RPS6KA6: variants seen among roughly 807,000 people sequenced by gnomAD.
RPS6KA6 encodes ribosomal protein S6 kinase A6.
RPS6KA6 carries 27 observed loss-of-function variants against 65.4 expected under a neutral mutation model. The observed-to-expected ratio is 0.41, with a 90% confidence interval of 0.30 to 0.57. The LOEUF (loss-of-function observed/expected upper bound fraction) is 0.57, where lower values mean the gene tolerates loss of function less well. Among genes scored for constraint, RPS6KA6 ranks in the 20% least tolerant of loss-of-function variants. The pLI is 0.24. For synonymous variants in RPS6KA6, 190 were observed against 184.2 expected (o/e 1.03, Z -0.26); for missense variants, 486 against 555.6 (o/e 0.87, Z 1.26).
intron 20 of RPS6KA6, among the ~76,000 whole-genome samples, chrX:84,086,389 AT>A (rs1381082017): frequency 9.0e-6 from 1 of 111,670 alleles, no homozygotes; most frequent in African/African-American, 3.3e-5. Context: ...GAACTTCTTG[AT>A]TTCTGCCTTA....
intron 9 of RPS6KA6, among the ~76,000 whole-genome samples, chrX:84,117,974 T>C (rs186600306): frequency 3.6e-5 from 4 of 110,131 alleles, no homozygotes; most frequent in Non-Finnish European, 5.7e-5. Context: ...CACATGCCAA[T>C]AGCTTTAAAA....
chrX:84,066,985 G>A (rs2033418855), intron 20 of RPS6KA6, among the ~76,000 whole-genome samples: 2 of 111,708 alleles, frequency 1.8e-5, no homozygotes, highest in African/African-American at 6.5e-5. Context: ...GGTGAACAGG[G>A]GCTGGAGTGG....
chrX:84,064,293 G>A lies in RPS6KA6; in HGVS notation c.2222C>T (p.Thr741Ile). 8.3e-7 allele frequency: 1 copy of A among 1,208,515 alleles called. No homozygotes were observed. Among genetic ancestry groups the A allele is most frequent in the Non-Finnish European group, 1.1e-6 (1 of 893,930 alleles). The change falls in exon 22 of 22, where the codon ACA (threonine) becomes ATA (isoleucine). Residue 741 changes from threonine to isoleucine, a missense_variant. Thr to Ile is a moderately conservative substitution (Grantham distance 89). Around this residue, in one of 3 missense-constraint regions of RPS6KA6, gnomAD observed 345 missense variants for 375.0 expected, o/e 0.92. Coordinates refer to ENST00000262752, the MANE Select transcript of RPS6KA6 (RefSeq NM_014496.5). Reference sequence around the variant, plus strand: ...CCACAAATCTTACAGGCCAGTTGATGTTCGCTTTTTCATGCTCCGTCGCTG... The same window carrying A: ...CCACAAATCTTACAGGCCAGTTGATATTCGCTTTTTCATGCTCCGTCGCTG... Reference protein sequence around the residue: ...LAQRRSMKKRTSTGL With the variant: ...LAQRRSMKKRISTGL
intron 20 of RPS6KA6, among the ~76,000 whole-genome samples, chrX:84,083,195 C>A (rs1025569701): frequency 8.9e-6 from 1 of 112,584 alleles, no homozygotes; most frequent in Non-Finnish European, 1.9e-5. Context: ...TGGAATCTAT[C>A]CTTCTGACAA....
intron 6 of RPS6KA6, among the ~76,000 whole-genome samples, chrX:84,136,278 T>C (rs2034990114): frequency 9.0e-6 from 1 of 111,429 alleles, no homozygotes; most frequent in South Asian, 3.7e-4. Context: ...AGGCTCAAAA[T>C]TGCATAAAGT....
rs375195552 is a variant in RPS6KA6 at position 84,164,317 on chromosome X, T to C, written c.141+11A>G. 8.6e-7 allele frequency: 1 copy of C among 1,158,853 alleles called. No individual in the cohort carries two copies. Among genetic ancestry groups the C allele is most frequent in the East Asian group, 3.0e-5 (1 of 33,269 alleles). On this transcript the variant is annotated intron_variant, in intron 2 of 21. Transcript: ENST00000262752. ...AAAAATGTGGCTTAATAAATTAACA[T>C]AAATACTTACATGACAAGAATCTGC...
intron 19 of RPS6KA6, among the ~76,000 whole-genome samples, chrX:84,097,120 T>C (rs1213825915): frequency 7.2e-5 from 8 of 111,357 alleles, no homozygotes; most frequent in Non-Finnish European, 1.9e-5. Flanking sequence ...ACATTATAAT[T>C]ACTTGCTAAA....
intron 2 of RPS6KA6, among the ~76,000 whole-genome samples, chrX:84,161,660 T>A (rs1287730713): frequency 8.9e-6 from 1 of 111,849 alleles, no homozygotes; most frequent in Non-Finnish European, 1.9e-5. Flanking sequence ...TGTAAAAAAG[T>A]ATTTTTGAAA....
chrX:84,165,079 T>C (rs1025177784), intron 1 of RPS6KA6, among the ~76,000 whole-genome samples: 2 of 111,125 alleles, frequency 1.8e-5, no homozygotes, highest in African/African-American at 6.5e-5. Flanking sequence ...TTCCATCTTA[T>C]CTATGGCTGC....
Position 84,059,425 on chromosome X carries a change from G to A in RPS6KA6, c.*4852C>T, listed in dbSNP as rs1002925989. Reference sequence around the variant, plus strand: ...ATTACAGGCATGAGCCACTGTGCCCGGCCGGCTGTTTCTTGATAGACTGCT... The same window carrying A: ...ATTACAGGCATGAGCCACTGTGCCCAGCCGGCTGTTTCTTGATAGACTGCT... On this transcript the variant is annotated 3_prime_UTR_variant, in exon 22 of 22. Transcript: ENST00000262752. 9.0e-6 allele frequency: 1 copy of A among 111,050 alleles called. No homozygotes were observed. Among genetic ancestry groups the A allele is most frequent in the African/African-American group, 3.3e-5 (1 of 30,555 alleles). 9.2% of individuals were successfully genotyped at this position (111,050 alleles called of 1,213,427 possible).
chrX:84,177,405 T>C (rs2035788568), intron 1 of RPS6KA6, among the ~76,000 whole-genome samples: 1 of 111,522 alleles, frequency 9.0e-6, no homozygotes, highest in Non-Finnish European at 1.9e-5. Flanking sequence ...ATTTTACAGA[T>C]AGAGCGACCA....
At chrX:84,179,608 T>A (rs1432554482) in intron 1 of RPS6KA6, among the ~76,000 whole-genome samples, 6 of 111,919 alleles carry the variant, frequency 5.4e-5, no homozygotes, top group Non-Finnish European at 1.1e-4. Context: ...CATGTCTTTT[T>A]TGAAAATCCG....
At chrX:84,164,419 A>G (rs2035566312) in intron 1 of RPS6KA6, 32 bp from the exon 2 acceptor site, 2 of 1,030,592 alleles carry the variant, frequency 1.9e-6, no homozygotes, top group Non-Finnish European at 2.7e-6. Context: ...TTGAGGTTCA[A>G]AAGTATTAAA....
chrX:84,072,313 A>C (rs1330893152), intron 20 of RPS6KA6, among the ~76,000 whole-genome samples: 1 of 112,190 alleles, frequency 8.9e-6, no homozygotes. Context: ...CCATATGATA[A>C]ATTTAAAATG....
intron 17 of RPS6KA6, among the ~76,000 whole-genome samples, chrX:84,103,635 G>A (rs1435075792): frequency 2.7e-5 from 3 of 111,067 alleles, no homozygotes; most frequent in Non-Finnish European, 5.7e-5. Flanking sequence ...ATAAAGAAGA[G>A]ACGCCTATGA....
intron 2 of RPS6KA6, among the ~76,000 whole-genome samples, chrX:84,159,679 G>A (rs1368216063): frequency 9.0e-6 from 1 of 110,822 alleles, no homozygotes; most frequent in Non-Finnish European, 1.9e-5. Context: ...AGTATGCTAT[G>A]GGCTAAATTA....
Position 84,064,996 on chromosome X carries a change from C to T in RPS6KA6, c.2087G>A (p.Arg696Lys). Residue 696 changes from arginine (R) to lysine (K), a missense_variant, in exon 21 of 22, where the codon AGA (arginine) becomes AAA (lysine). Arg to Lys is a conservative substitution (Grantham distance 26, BLOSUM62 2). Transcript: ENST00000262752. Reference protein sequence around the residue: ...RDQLPNDQPKRNDVSHVVKGA... With the variant: ...RDQLPNDQPKKNDVSHVVKGA... ...CTTAACAACATGTGACACATCATTT[C>T]TCTTTGGCTGATCATTTGGCAACTG... The T allele has an allele frequency of 1.7e-6, 2 of 1,207,907 alleles. No homozygotes were observed. The highest frequency in any genetic ancestry group is 2.2e-6 in the Non-Finnish European group (2 of 892,674).
intron 1 of RPS6KA6, among the ~76,000 whole-genome samples, chrX:84,167,525 A>G (rs2035616324): frequency 9.0e-6 from 1 of 111,658 alleles, no homozygotes; most frequent in Non-Finnish European, 1.9e-5. Flanking sequence ...AATTGGTTCA[A>G]CGGGTTGGGG....
chrX:84,128,045 A>T (rs2034827577), intron 8 of RPS6KA6, among the ~76,000 whole-genome samples: 1 of 111,423 alleles, frequency 9.0e-6, no homozygotes, highest in East Asian at 2.8e-4. Context: ...TTTTTTACTG[A>T]TGGTATTATC....
Sources: allele counts gnomAD v4.1 joint callset (sites outside exome capture counted in the v4.1 genomes callset), GRCh38; gene constraint gnomAD v4.1.1; regional missense constraint gnomAD v4.1.1; transcripts MANE v1.5; gene names NCBI Gene and HGNC (gene_info 2026-07-23, HGNC 2026-07-21).